MARCHF1: variants seen among roughly 807,000 people sequenced by gnomAD.
MARCHF1 encodes membrane associated ring-CH-type finger 1, also known as E3 ubiquitin-protein ligase MARCHF1.
Under a neutral mutation model 54.2 loss-of-function variants are expected in MARCHF1, and 40 were observed. The ratio of observed to expected loss-of-function variants is 0.74; its 90% CI spans 0.57 to 0.96. The LOEUF is 0.96. Ranked by LOEUF, MARCHF1 falls within the 40% of genes least tolerant of loss-of-function variation. MARCHF1 has a pLI of 0.00. For missense variants in MARCHF1, 586 were observed against 656.5 expected (o/e 0.89, Z 1.17); for synonymous variants, 236 against 236.3 (o/e 1.00, Z 0.01).
intron 3 of MARCHF1, chr4:163,932,641 A>G (rs1751702411): frequency 2.2e-6 from 1 of 456,290 alleles, no homozygotes; most frequent in East Asian, 5.0e-5. Flanking sequence ...GAGGAGTGCA[A>G]CCTGCTTTCC....
chr4:163,659,727 A>G (rs1251603890), intron 5 of MARCHF1, among the ~76,000 whole-genome samples: 1 of 152,094 alleles, frequency 6.6e-6, no homozygotes, highest in Non-Finnish European at 1.5e-5. Flanking sequence ...ACCCCATCAA[A>G]AAGTGGGCAA....
intron 5 of MARCHF1, among the ~76,000 whole-genome samples, chr4:163,676,613 G>C (rs776302784): frequency 2.6e-4 from 39 of 152,158 alleles, no homozygotes; most frequent in Non-Finnish European, 5.4e-4. Flanking sequence ...AAAATTGGCA[G>C]GGCATGGTGG....
chr4:163,689,626 C>T (rs115926073), intron 5 of MARCHF1, among the ~76,000 whole-genome samples: 1 of 151,868 alleles, frequency 6.6e-6, no homozygotes, highest in African/African-American at 2.4e-5. Flanking sequence ...TAACTAACTA[C>T]TTGTTACTGT....
intron 1 of MARCHF1, among the ~76,000 whole-genome samples, chr4:164,329,124 T>C (rs1234123855): frequency 6.6e-6 from 1 of 152,200 alleles, no homozygotes; most frequent in Non-Finnish European, 1.5e-5. Context: ...ATTTGATCCT[T>C]GGAAGAAGAT....
chr4:164,120,486 C>T (rs968832037), intron 1 of MARCHF1, among the ~76,000 whole-genome samples: 6 of 152,076 alleles, frequency 3.9e-5, no homozygotes, highest in African/African-American at 1.4e-4. Context: ...CTAAATGGAT[C>T]TAATAGATAT....
chr4:163,937,005 A>T (rs2110737343), intron 3 of MARCHF1, among the ~76,000 whole-genome samples: 1 of 152,296 alleles, frequency 6.6e-6, no homozygotes, highest in Non-Finnish European at 1.5e-5. Context: ...TAGCTGTATA[A>T]ATGAAATCAC....
rs115950286 is a variant in MARCHF1 at position 164,036,706 on chromosome 4, C to T, written c.-247-47997G>A. Among the ~76,000 whole-genome samples, 481 of 152,128 alleles carry T rather than the reference C, an allele frequency of 3.2e-3. 2 individuals are homozygous for T. Among genetic ancestry groups the T allele is most frequent in the African/African-American group, 0.011 (464 of 41,516 alleles). On this transcript the variant is annotated intron_variant, in intron 2 of 9. Transcript: ENST00000514618. ...GGTAAGGAGATAAAAAATGTTCCAC[C>T]TCTGTGATCAGAGAACACAAATTAA... is the stretch of plus-strand genomic sequence containing the variant.
chr4:163,639,897 G>A (rs1278608791), intron 5 of MARCHF1, among the ~76,000 whole-genome samples: 1 of 152,118 alleles, frequency 6.6e-6, no homozygotes, highest in East Asian at 1.9e-4. Context: ...TTAGGGGATG[G>A]AGGTAAGAAA....
intron 1 of MARCHF1, among the ~76,000 whole-genome samples, chr4:164,128,996 C>A (rs191513827): frequency 6.6e-6 from 1 of 152,290 alleles, no homozygotes; most frequent in Admixed American, 6.5e-5. Flanking sequence ...TCCCTACCAC[C>A]CATACAAGTG....
At chr4:164,084,235 GAA>G (rs1181804338) in intron 2 of MARCHF1, among the ~76,000 whole-genome samples, 3 of 151,824 alleles carry the variant, frequency 2.0e-5, no homozygotes, top group African/African-American at 7.2e-5. Flanking sequence ...TCTCTCTTAA[GAA>G]TGATGAATTT....
chr4:163,768,184 G>T (rs537358229), intron 4 of MARCHF1, among the ~76,000 whole-genome samples: 4 of 152,156 alleles, frequency 2.6e-5, no homozygotes, highest in African/African-American at 9.7e-5. Flanking sequence ...AGGAGCTTGC[G>T]CAATCTATGA....
At position 164,145,101 on chromosome 4, in the gene MARCHF1, A is replaced by G. The variant is rs866839074; in HGVS notation, c.-322-33439T>C. On this transcript the variant is annotated intron_variant, in intron 1 of 9. Coordinates refer to ENST00000514618, the MANE Select transcript of MARCHF1 (RefSeq NM_001394959.1). ...AATGGATACATTCCTCGACACATAC[A>G]CTCTCCCAAGACTAAACCAGGAAGA... is the stretch of plus-strand genomic sequence containing the variant. Among the ~76,000 whole-genome samples, 210 of 148,622 alleles carry G rather than the reference A, an allele frequency of 1.4e-3. 4 individuals carry two copies. The highest frequency in any genetic ancestry group is 0.013 in the Admixed American group (197 of 14,790).
chr4:164,090,013 A>G (rs1406025674), intron 2 of MARCHF1, among the ~76,000 whole-genome samples: 2 of 151,740 alleles, frequency 1.3e-5, no homozygotes, highest in African/African-American at 4.8e-5. Flanking sequence ...CTTAGAATTC[A>G]TATTGAACTG....
At chr4:163,962,641 G>T (rs1752364177) in intron 3 of MARCHF1, among the ~76,000 whole-genome samples, 1 of 151,714 alleles carries the variant, frequency 6.6e-6, no homozygotes, top group Non-Finnish European at 1.5e-5. Flanking sequence ...ATTGTTTAAG[G>T]CATAAAATGG....
At chr4:163,879,804 C>CGTGTGTGTGTGTGTGT (rs60539215) in intron 3 of MARCHF1, among the ~76,000 whole-genome samples, 1 of 148,378 alleles carries the variant, frequency 6.7e-6, no homozygotes. Flanking sequence ...GATTTAGAGG[C>CGTGTGTGTGTGTGTGT]GTGTGTGTGT....
intron 2 of MARCHF1, among the ~76,000 whole-genome samples, chr4:164,032,774 A>T (rs1753905449): frequency 6.6e-6 from 1 of 152,056 alleles, no homozygotes; most frequent in African/African-American, 2.4e-5. Flanking sequence ...TTTTAGAGTA[A>T]GTGTCATGTG....
intron 5 of MARCHF1, among the ~76,000 whole-genome samples, chr4:163,695,357 C>T (rs1215923855): frequency 6.6e-6 from 1 of 152,084 alleles, no homozygotes; most frequent in African/African-American, 2.4e-5. Context: ...CATAGAATAC[C>T]TTGTACACAG....
At chr4:164,183,237 T>C (rs1423201189) in intron 1 of MARCHF1, among the ~76,000 whole-genome samples, 1 of 152,158 alleles carries the variant, frequency 6.6e-6, no homozygotes, top group East Asian at 1.9e-4. Context: ...CTAATTCAAT[T>C]CACTCTACAT....
chr4:163,822,417 C>T (rs1560772492), intron 4 of MARCHF1, among the ~76,000 whole-genome samples: 3 of 151,698 alleles, frequency 2.0e-5, no homozygotes, highest in African/African-American at 7.3e-5. Flanking sequence ...AATTTTAAGC[C>T]AGTTGTTTAA....
Sources: gnomAD v4.1 joint callset for allele counts (sites outside exome capture counted in the v4.1 genomes callset) on GRCh38, gnomAD v4.1.1 for gene constraint, MANE v1.5 for transcripts, NCBI Gene and HGNC (gene_info 2026-07-23, HGNC 2026-07-21) for gene names.